The following DTNA variants were observed in gnomAD, a reference collection of about 807,000 sequenced individuals.
DTNA encodes the protein dystrophin-related protein 3.
DTNA carries 43 observed loss-of-function variants against 100.7 expected under a neutral mutation model. That is an observed-to-expected ratio of 0.43 (90% CI 0.33 to 0.55). DTNA has a LOEUF of 0.55. DTNA is among the 20% of genes least tolerant of loss of function. The probability of loss-of-function intolerance (pLI) is 0.04; values close to 1 mark genes in which losing one functional copy is unlikely to be tolerated. For missense variants in DTNA, 798 were observed against 953.9 expected (o/e 0.84, Z 2.15); for synonymous variants, 349 against 347.9 (o/e 1.00, Z -0.04).
chr18:34,831,174 C>T (rs555352194), intron 11 of DTNA, among the ~76,000 whole-genome samples: 4 of 152,296 alleles, frequency 2.6e-5, no homozygotes, highest in Non-Finnish European at 5.9e-5. Context: ...AAGCTTCTTT[C>T]ACTATGGTCA....
At chr18:34,670,978 G>A (rs2076671162) in intron 1 of DTNA, among the ~76,000 whole-genome samples, 1 of 152,196 alleles carries the variant, frequency 6.6e-6, no homozygotes, top group Admixed American at 6.5e-5. Context: ...AGTCTGCAGA[G>A]GTTTCTGCTG....
intron 1 of DTNA, among the ~76,000 whole-genome samples, chr18:34,737,167 A>G (rs1343948561): frequency 6.6e-6 from 1 of 152,240 alleles, no homozygotes; most frequent in Non-Finnish European, 1.5e-5. Context: ...GGTATATTTT[A>G]TACATAAAAG....
chr18:34,819,429 C>G (rs2095661105), intron 8 of DTNA, among the ~76,000 whole-genome samples: 1 of 152,130 alleles, frequency 6.6e-6, no homozygotes, highest in Admixed American at 6.6e-5. Flanking sequence ...TTATGTCATG[C>G]TGAGGACAGA....
chr18:34,514,326 T>TTGC (rs1224356234), intron 1 of DTNA, among the ~76,000 whole-genome samples: 1 of 152,074 alleles, frequency 6.6e-6, no homozygotes, highest in Non-Finnish European at 1.5e-5. Flanking sequence ...AAAACACAGC[T>TTGC]TGCTGGGCTT....
intron 1 of DTNA, among the ~76,000 whole-genome samples, chr18:34,742,266 A>G (rs1322348739): frequency 3.3e-5 from 5 of 152,204 alleles, no homozygotes; most frequent in Admixed American, 2.0e-4. Context: ...GCTTAAAACA[A>G]CACAAATGTA....
intron 1 of DTNA, among the ~76,000 whole-genome samples, chr18:34,502,792 G>A (rs1242041069): frequency 2.0e-5 from 3 of 152,138 alleles, no homozygotes; most frequent in Non-Finnish European, 4.4e-5. Flanking sequence ...CTATGCCTTG[G>A]TATATGTTCC....
intron 1 of DTNA, among the ~76,000 whole-genome samples, chr18:34,585,381 CTA>C (rs2049024087): frequency 6.6e-6 from 1 of 151,980 alleles, no homozygotes. Flanking sequence ...TATGATGCAA[CTA>C]ATATCAGGAA....
At position 34,581,440 on chromosome 18, in the gene DTNA, G is replaced by A. The variant is rs114572402; in HGVS notation, c.-2+87926G>A. Among the ~76,000 whole-genome samples the A allele has an allele frequency of 5.1e-3, 771 of 152,008 alleles. 5 individuals carry two copies. Among genetic ancestry groups the A allele is most frequent in the African/African-American group, 0.018 (739 of 41,446 alleles). ...CCTCATTTTGAAAATTAATTTCTTT[G>A]GATTTCTTTGTGTCTTCAGCTCTCT... On this transcript the variant is annotated intron_variant, in intron 1 of 19. Coordinates refer to the DTNA transcript ENST00000283365.
intron 1 of DTNA, among the ~76,000 whole-genome samples, chr18:34,702,207 A>G (rs2081474368): frequency 6.6e-6 from 1 of 151,978 alleles, no homozygotes; most frequent in Non-Finnish European, 1.5e-5. Flanking sequence ...CTCCTTTTTC[A>G]CAGGTGTCAT....
At chr18:34,711,340 A>G (rs965665178) in intron 1 of DTNA, among the ~76,000 whole-genome samples, 4 of 119,184 alleles carry the variant, frequency 3.4e-5, no homozygotes, top group African/African-American at 1.7e-4. Context: ...GCTTTTACTG[A>G]TGTTTGATGT....
In DTNA at chr18:34,610,373, G is replaced by A. The variant is rs146129311; in HGVS notation, c.-2+116859G>A. 8.5e-5 allele frequency among the ~76,000 whole-genome samples: 13 copies of A among 152,216 alleles called. No individual in the cohort carries two copies. The East Asian group carries it at 2.3e-3, about 27-fold the overall frequency. ...CAGGAGAGATTAAGTAATTATCCAG[G>A]ACCAGAACAAATCAGTCTTAATGGA... On this transcript the variant is annotated intron_variant, in intron 1 of 19. Transcript: ENST00000283365.
chr18:34,797,033 G>A (rs529376341), intron 4 of DTNA, among the ~76,000 whole-genome samples: 72 of 152,258 alleles, frequency 4.7e-4, no homozygotes, highest in African/African-American at 1.7e-3. Context: ...CTGCTCGTTG[G>A]CAAGTCAGCC....
At chr18:34,723,499 A>T (rs1343359494) in intron 1 of DTNA, among the ~76,000 whole-genome samples, 2 of 152,250 alleles carry the variant, frequency 1.3e-5, no homozygotes, top group Admixed American at 6.5e-5. Context: ...TGAAATAAAT[A>T]TGTGAGACCA....
At chr18:34,501,332 T>C (rs955266446) in intron 1 of DTNA, among the ~76,000 whole-genome samples, 2 of 152,248 alleles carry the variant, frequency 1.3e-5, no homozygotes, top group Non-Finnish European at 2.9e-5. Context: ...TTATGTATGA[T>C]TAATTCTTTG....
chr18:34,545,618 C>T (rs1199802537), intron 1 of DTNA, among the ~76,000 whole-genome samples: 1 of 151,980 alleles, frequency 6.6e-6, no homozygotes, highest in African/African-American at 2.4e-5. Context: ...ATTTCAACCT[C>T]CTTGTTTAAG....
chr18:34,615,172 C>T (rs1457557432), intron 1 of DTNA, among the ~76,000 whole-genome samples: 1 of 152,118 alleles, frequency 6.6e-6, no homozygotes, highest in Non-Finnish European at 1.5e-5. Flanking sequence ...GAAGGCAAAG[C>T]AGGAGCAGGC....
At chr18:34,867,006 T>G (rs774689861) in intron 17 of DTNA, 10 of 1,215,744 alleles carry the variant, frequency 8.2e-6, no homozygotes, top group Non-Finnish European at 1.0e-5. Context: ...TTAAATTAAA[T>G]TAAATTAAAT....
intron 1 of DTNA, among the ~76,000 whole-genome samples, chr18:34,704,183 A>G (rs2081812135): frequency 6.6e-6 from 1 of 152,174 alleles, no homozygotes; most frequent in African/African-American, 2.4e-5. Flanking sequence ...TGATGCATAC[A>G]CACATATTAC....
intron 19 of DTNA, among the ~76,000 whole-genome samples, chr18:34,878,391 G>A (rs1460436828): frequency 6.6e-6 from 1 of 152,140 alleles, no homozygotes; most frequent in Non-Finnish European, 1.5e-5. Context: ...CTATAATTCT[G>A]GAATCCAAAG....
Sources: allele counts gnomAD v4.1 joint callset (sites outside exome capture counted in the v4.1 genomes callset), GRCh38; gene constraint gnomAD v4.1.1; transcripts MANE v1.5; gene names NCBI Gene and HGNC (gene_info 2026-07-23, HGNC 2026-07-21).